Variants in PCDH15 observed in about 807,000 individuals in gnomAD.
The protein encoded by PCDH15 is protocadherin-15.
Under a neutral mutation model 178.5 loss-of-function variants are expected in PCDH15, and 129 were observed. The observed-to-expected ratio is 0.72, with a 90% CI of 0.63 to 0.84. The LOEUF is 0.84. Ranked by LOEUF, PCDH15 falls within the 40% of genes least tolerant of loss-of-function variation. The pLI is 0.00. For missense variants in PCDH15, 2,230 were observed against 2,099.9 expected, an observed-to-expected ratio of 1.06 and a Z score of -1.21; for synonymous variants, 800 against 732.0, an observed-to-expected ratio of 1.09 and a Z score of -1.50.
chr10:54,734,302 G>A (rs1353035556), intron 1 of PCDH15, among the ~76,000 whole-genome samples: 2 of 151,834 alleles, frequency 1.3e-5, no homozygotes, highest in African/African-American at 4.8e-5. Flanking sequence ...CTAAGCAAAT[G>A]AGAAGATGCT....
intron 1 of PCDH15, among the ~76,000 whole-genome samples, chr10:55,176,990 A>T (rs2132129798): frequency 6.6e-6 from 1 of 152,264 alleles, no homozygotes; most frequent in African/African-American, 2.4e-5. Context: ...ATTGTGCCCC[A>T]ACTGAGGAAA....
chr10:54,571,628 A>C (rs1211373859), intron 2 of PCDH15, among the ~76,000 whole-genome samples: 2 of 152,226 alleles, frequency 1.3e-5, no homozygotes, highest in African/African-American at 4.8e-5. Context: ...AAAAATGAAA[A>C]CCCTGAAAAA....
At chr10:55,031,110 C>T (rs1277630361) in intron 2 of PCDH15, among the ~76,000 whole-genome samples, 1 of 152,050 alleles carries the variant, frequency 6.6e-6, no homozygotes. Context: ...TTGTTTATAC[C>T]TGCCTTGTAT....
chr10:54,426,585 T>G (rs552018084), intron 3 of PCDH15, among the ~76,000 whole-genome samples: 1 of 152,274 alleles, frequency 6.6e-6, no homozygotes, highest in East Asian at 1.9e-4. Flanking sequence ...CACTATAACA[T>G]TTGCACACGT....
chr10:55,105,832 A>G (rs1287499521), intron 2 of PCDH15, among the ~76,000 whole-genome samples: 1 of 152,178 alleles, frequency 6.6e-6, no homozygotes, highest in African/African-American at 2.4e-5. Context: ...AAAAAAATCA[A>G]TCCATAAAAA....
intron 3 of PCDH15, among the ~76,000 whole-genome samples, chr10:54,884,549 T>G (rs953227416): frequency 6.6e-6 from 1 of 151,762 alleles, no homozygotes; most frequent in Non-Finnish European, 1.5e-5. Flanking sequence ...TCAATAGTTC[T>G]TAGACATATT....
chr10:55,100,226 GT>G (rs1433433311), intron 2 of PCDH15, among the ~76,000 whole-genome samples: 1 of 152,032 alleles, frequency 6.6e-6, no homozygotes, highest in African/African-American at 2.4e-5. Flanking sequence ...TCCTAATCAT[GT>G]GTTTTAGAGT....
In PCDH15 at chr10:54,141,275, T is replaced by G. The variant is rs192227711; in HGVS notation, c.1785-8268A>C. ...CCTTTGTCAAGCTTCAAAACATTGATGAAGGACAGCAGCCATTTAAATTTG... is the reference window on the plus strand; with the variant it reads ...CCTTTGTCAAGCTTCAAAACATTGAGGAAGGACAGCAGCCATTTAAATTTG... On this transcript the variant is annotated intron_variant, in intron 14 of 37. Transcript: ENST00000644397. Among the ~76,000 whole-genome samples the G allele has an allele frequency of 6.6e-5, 10 of 152,236 alleles. No homozygotes were observed. The East Asian group carries it at 7.7e-4, about 12-fold the overall frequency.
At chr10:54,636,871 C>A (rs1480715196) in intron 2 of PCDH15, among the ~76,000 whole-genome samples, 1 of 151,744 alleles carries the variant, frequency 6.6e-6, no homozygotes, top group Non-Finnish European at 1.5e-5. Context: ...GAAAACACAA[C>A]AAAATTTTCA....
chr10:55,235,920 A>AG (rs934841658), intron 1 of PCDH15, among the ~76,000 whole-genome samples: 3 of 46,780 alleles, frequency 6.4e-5, no homozygotes, highest in African/African-American at 1.7e-4. Flanking sequence ...AAAAAAAAAA[A>AG]AAAAAAAAAA....
rs772070028 is a variant in PCDH15 at position 53,821,892 on chromosome 10, T to C, written c.4368-1662A>G. On this transcript the variant is annotated intron_variant, in intron 32 of 37. Transcript: ENST00000644397. Reference sequence around the variant, plus strand: ...AGTAGATTGACTGTGAGATTGTTTTTCAGTTCCCTCGACAATATTGTTCAA... The same window carrying C: ...AGTAGATTGACTGTGAGATTGTTTTCCAGTTCCCTCGACAATATTGTTCAA... 1.9e-6 allele frequency: 3 copies of C among 1,613,482 alleles called. No individual in the cohort carries two copies. In the East Asian group the frequency reaches 6.7e-5, roughly 36 times the overall value.
intron 2 of PCDH15, among the ~76,000 whole-genome samples, chr10:55,080,756 G>T (rs1037836526): frequency 7.2e-5 from 11 of 152,196 alleles, no homozygotes; most frequent in Admixed American, 5.2e-4. Context: ...CAGCATTATG[G>T]CTACAGTGGT....
chr10:55,605,123 C>A (rs940792653), intron 2 of PCDH15, among the ~76,000 whole-genome samples: 1 of 151,044 alleles, frequency 6.6e-6, no homozygotes, highest in African/African-American at 2.4e-5. Context: ...AACACCTCTA[C>A]GCAAATAAAC....
chr10:54,035,553 A>G (rs1422698735), intron 18 of PCDH15, among the ~76,000 whole-genome samples: 1 of 151,848 alleles, frequency 6.6e-6, no homozygotes, highest in Non-Finnish European at 1.5e-5. Context: ...TTTTTGACAC[A>G]TGGTCCAAGA....
chr10:54,183,327 T>C, intron 13 of PCDH15, 117 bp downstream of exon 13: 2 of 1,017,280 alleles, frequency 2.0e-6, no homozygotes, highest in Non-Finnish European at 3.1e-6. Context: ...CTAATTATGC[T>C]ATACAATAAG....
At chr10:55,144,012 A>AG (rs1554834780) in intron 2 of PCDH15, among the ~76,000 whole-genome samples, 55,452 of 107,634 alleles carry the variant, frequency 0.52, 10,562 homozygotes, top group Non-Finnish European at 0.59. Flanking sequence ...CTTGGGTGTA[A>AG]GGGGAAAAAA....
intron 2 of PCDH15, among the ~76,000 whole-genome samples, chr10:55,125,647 C>A (rs777565146): frequency 4.6e-5 from 7 of 152,006 alleles, no homozygotes; most frequent in African/African-American, 1.7e-4. Flanking sequence ...AGAAAAAAAG[C>A]AAAATCTCAT....
chr10:54,158,781 GTATTT>G (rs1284257145), intron 13 of PCDH15, among the ~76,000 whole-genome samples: 2 of 152,124 alleles, frequency 1.3e-5, no homozygotes, highest in East Asian at 1.9e-4. Flanking sequence ...TGTAAACACG[GTATTT>G]TATATGAATA....
intron 2 of PCDH15, among the ~76,000 whole-genome samples, chr10:55,413,877 T>C (rs1215567020): frequency 6.6e-6 from 1 of 151,494 alleles, no homozygotes; most frequent in East Asian, 1.9e-4. Context: ...CAAGTTTCTA[T>C]CCCACTTTGA....
Sources: allele counts gnomAD v4.1 joint callset (sites outside exome capture counted in the v4.1 genomes callset), GRCh38; gene constraint gnomAD v4.1.1; transcripts MANE v1.5; gene names NCBI Gene and HGNC (gene_info 2026-07-23, HGNC 2026-07-21).